The following ATP5MJ variants were observed in gnomAD, a reference collection of about 807,000 sequenced individuals.
The protein encoded by ATP5MJ is ATP synthase F(0) complex subunit j, mitochondrial.
A neutral mutation model predicts 8.3 loss-of-function variants in ATP5MJ; 4 were observed. That is an observed-to-expected ratio of 0.48 (90% CI 0.24 to 1.11). The LOEUF (loss-of-function observed/expected upper bound fraction) is 1.11, where lower values mean the gene tolerates loss of function less well. Ranked by LOEUF, ATP5MJ falls within the 50% of genes least tolerant of loss-of-function variation. The probability of loss-of-function intolerance (pLI) is 0.18; values close to 1 mark genes in which losing one functional copy is unlikely to be tolerated. For synonymous variants in ATP5MJ, 23 were observed against 21.3 expected (o/e 1.08, Z -0.23); for missense variants, 66 against 71.8 (o/e 0.92, Z 0.29).
At chr14:103,913,768 T>C (rs2087600833) in intron 3 of ATP5MJ, 193 bp downstream of exon 3, 12 of 649,104 alleles carry the variant, frequency 1.8e-5, no homozygotes, top group Non-Finnish European at 3.2e-5. Flanking sequence ...TCCACTTGAC[T>C]ATAAAAAGCA....
intron 1 of ATP5MJ, 58 bp from the exon 2 acceptor site, chr14:103,915,247 T>TA: frequency 6.3e-7 from 1 of 1,578,454 alleles, no homozygotes; most frequent in Non-Finnish European, 8.7e-7. Context: ...ACCTAACTGG[T>TA]AAAAGATTTT....
intron 1 of ATP5MJ, among the ~76,000 whole-genome samples, chr14:103,920,663 C>T (rs1368522553): frequency 7.2e-6 from 1 of 139,300 alleles, no homozygotes; most frequent in African/African-American, 2.7e-5. Context: ...GTAGAGACGG[C>T]GTTTCACCAT....
chr14:103,921,169 G>GA, intron 1 of ATP5MJ: 1 of 762,404 alleles, frequency 1.3e-6, no homozygotes, highest in Non-Finnish European at 2.2e-6. Context: ...CGTAGCCTCT[G>GA]GGTTAGGCAG....
At chr14:103,914,163 C>G (rs2087604235) in intron 2 of ATP5MJ, 179 bp from the exon 3 acceptor site, 10 of 615,144 alleles carry the variant, frequency 1.6e-5, no homozygotes, top group Non-Finnish European at 2.5e-5. Context: ...CTATGAACAG[C>G]TAACAGCCCT....
intron 1 of ATP5MJ, chr14:103,921,060 G>GA: frequency 6.5e-7 from 1 of 1,549,744 alleles, no homozygotes; most frequent in Non-Finnish European, 8.7e-7. Context: ...GCATAACGTG[G>GA]AGGGCAGTGT....
At chr14:103,913,638 A>C (rs904657714) in intron 3 of ATP5MJ, 1 of 432,582 alleles carries the variant, frequency 2.3e-6, no homozygotes, top group Non-Finnish European at 4.0e-6. Context: ...ATAAAACGAC[A>C]TCATTAGGGA....
intron 1 of ATP5MJ, among the ~76,000 whole-genome samples, chr14:103,916,875 T>G (rs576092595): frequency 6.6e-6 from 1 of 152,262 alleles, no homozygotes; most frequent in East Asian, 1.9e-4. Flanking sequence ...CTCGGCAGTG[T>G]GCTCCCTTTC....
chr14:103,914,196 C>T, intron 2 of ATP5MJ: 1 of 590,298 alleles, frequency 1.7e-6, no homozygotes, highest in South Asian at 2.2e-5. Flanking sequence ...GGGCTCCTTA[C>T]CTTCTACAAT....
intron 1 of ATP5MJ, among the ~76,000 whole-genome samples, chr14:103,919,894 G>A (rs1475504612): frequency 6.6e-6 from 1 of 150,392 alleles, no homozygotes; most frequent in East Asian, 2.0e-4. Flanking sequence ...TGGTGCGATC[G>A]CGGCTCACTG....
chr14:103,914,175 T>G, intron 2 of ATP5MJ, 191 bp from the exon 3 acceptor site: 1 of 604,370 alleles, frequency 1.7e-6, no homozygotes, highest in Non-Finnish European at 2.9e-6. Context: ...AACAGCCCTT[T>G]CAAATTTGCA....
chr14:103,915,632 G>C (rs948609064), intron 1 of ATP5MJ, among the ~76,000 whole-genome samples: 1 of 151,124 alleles, frequency 6.6e-6, no homozygotes, highest in African/African-American at 2.4e-5. Context: ...ATAGGTGTGA[G>C]CCACTGTGCC....
intron 1 of ATP5MJ, among the ~76,000 whole-genome samples, chr14:103,919,380 T>C (rs1164914048): frequency 9.9e-6 from 1 of 101,400 alleles, no homozygotes; most frequent in African/African-American, 3.7e-5. Flanking sequence ...TCCCCCTTTA[T>C]CTTAAAAAAA....
At chr14:103,913,787 G>C (rs921328396) in intron 3 of ATP5MJ, 174 bp downstream of exon 3, 5 of 712,898 alleles carry the variant, frequency 7.0e-6, no homozygotes, top group Admixed American at 6.0e-5. Context: ...CAGAAATTCA[G>C]AATTCTCTTT....
intron 1 of ATP5MJ, among the ~76,000 whole-genome samples, chr14:103,920,689 C>T (rs1272714211): frequency 1.3e-5 from 2 of 151,498 alleles, no homozygotes; most frequent in Non-Finnish European, 2.9e-5. Flanking sequence ...TAAGGATGGT[C>T]TCGATCTCTT....
At chr14:103,921,356 C>T (rs2087676966) in intron 1 of ATP5MJ, 114 bp downstream of exon 1, 1 of 277,624 alleles carries the variant, frequency 3.6e-6, no homozygotes, top group Non-Finnish European at 7.1e-6. Context: ...GAAAAGCAGG[C>T]GCGTGCCGGC....
At chr14:103,917,937 T>C (rs2087638769) in intron 1 of ATP5MJ, 1 of 152,164 alleles carries the variant, frequency 6.6e-6, no homozygotes, top group Admixed American at 6.6e-5. Flanking sequence ...AACACCTGCT[T>C]TCCTGCTCTT....
intron 1 of ATP5MJ, chr14:103,918,079 C>T (rs1300975083): frequency 1.3e-5 from 2 of 152,310 alleles, no homozygotes; most frequent in African/African-American, 4.8e-5. Context: ...TGTCCTCAAG[C>T]TACTCGAATG....
At chr14:103,914,094 G>C in intron 2 of ATP5MJ, 110 bp from the exon 3 acceptor site, 1 of 1,007,574 alleles carries the variant, frequency 9.9e-7, no homozygotes, top group South Asian at 1.7e-5. Flanking sequence ...AAGCAATTCA[G>C]GAAGCTTTCA....
chr14:103,917,775 G>A (rs1035085438), intron 1 of ATP5MJ, among the ~76,000 whole-genome samples: 5 of 152,134 alleles, frequency 3.3e-5, no homozygotes, highest in African/African-American at 4.8e-5. Flanking sequence ...AGTGCTTTTC[G>A]TACTTACTTC....
Sources: allele counts gnomAD v4.1 joint callset (sites outside exome capture counted in the v4.1 genomes callset), GRCh38; gene constraint gnomAD v4.1.1; transcripts MANE v1.5; gene names NCBI Gene and HGNC (gene_info 2026-07-23, HGNC 2026-07-21).